The following NLGN1 variants were observed in gnomAD, a reference collection of about 807,000 sequenced individuals.
NLGN1 encodes the protein neuroligin 1.
In NLGN1, 12 loss-of-function variants were observed where a neutral mutation model predicts 65.5. That is an observed-to-expected ratio of 0.18 (90% confidence interval 0.12 to 0.30). The LOEUF is 0.30. Ranked by LOEUF, NLGN1 falls within the 10% of genes least tolerant of loss-of-function variation. The pLI, the probability that NLGN1 is intolerant of heterozygous loss-of-function variation, is 1.00. For synonymous variants in NLGN1, 350 were observed against 359.5 expected (o/e 0.97, Z 0.30); for missense variants, 750 against 1,007.1 (o/e 0.74, Z 3.46).
intron 4 of NLGN1, among the ~76,000 whole-genome samples, chr3:173,919,494 C>T (rs1355713669): frequency 6.6e-6 from 1 of 152,150 alleles, no homozygotes; most frequent in Non-Finnish European, 1.5e-5. Context: ...CCATTAGCCA[C>T]ATTTCACAGA....
intron 4 of NLGN1, among the ~76,000 whole-genome samples, chr3:174,200,740 C>T (rs1340775813): frequency 6.6e-6 from 1 of 152,168 alleles, no homozygotes; most frequent in East Asian, 1.9e-4. Context: ...TTCATTTCAA[C>T]CTCCCTGTCA....
chr3:173,617,256 A>T (rs1415558688), intron 3 of NLGN1, among the ~76,000 whole-genome samples: 1 of 152,168 alleles, frequency 6.6e-6, no homozygotes, highest in Non-Finnish European at 1.5e-5. Flanking sequence ...TTTCTTCATT[A>T]CATTTGTATC....
chr3:173,617,185 C>A (rs1480413707), intron 3 of NLGN1, among the ~76,000 whole-genome samples: 1 of 152,152 alleles, frequency 6.6e-6, no homozygotes, highest in African/African-American at 2.4e-5. Context: ...CTTTGCTGAT[C>A]AACCTATCAA....
chr3:173,989,015 G>A (rs536720822), intron 4 of NLGN1, among the ~76,000 whole-genome samples: 1 of 152,260 alleles, frequency 6.6e-6, no homozygotes, highest in African/African-American at 2.4e-5. Flanking sequence ...CTAGCAGATT[G>A]AGAATAATTT....
At chr3:173,917,617 C>A (rs1476900036) in intron 4 of NLGN1, among the ~76,000 whole-genome samples, 1 of 152,068 alleles carries the variant, frequency 6.6e-6, no homozygotes, top group Non-Finnish European at 1.5e-5. Flanking sequence ...AAGCCCTGAC[C>A]TAGAATAGCT....
chr3:173,696,666 CCTTTTCTTT>C (rs1249356982), intron 3 of NLGN1, among the ~76,000 whole-genome samples: 9 of 152,190 alleles, frequency 5.9e-5, no homozygotes, highest in Non-Finnish European at 1.0e-4. Flanking sequence ...CCTTCACCTT[CCTTTTCTTT>C]CTTTTCTCTA....
intron 2 of NLGN1, among the ~76,000 whole-genome samples, chr3:173,547,135 C>T (rs969705266): frequency 4.6e-5 from 7 of 152,020 alleles, no homozygotes; most frequent in Admixed American, 2.6e-4. Context: ...TTAAATTATT[C>T]TTGGGTAAAA....
At chr3:173,646,319 C>G (rs892879818) in intron 3 of NLGN1, among the ~76,000 whole-genome samples, 1 of 152,144 alleles carries the variant, frequency 6.6e-6, no homozygotes, top group African/African-American at 2.4e-5. Flanking sequence ...TAGGACTAAT[C>G]GTTTCCTGCT....
intron 2 of NLGN1, among the ~76,000 whole-genome samples, chr3:173,599,994 T>A (rs974112809): frequency 6.6e-6 from 1 of 152,062 alleles, no homozygotes; most frequent in African/African-American, 2.4e-5. Context: ...ATCTTTGGGA[T>A]CAATTGGGGG....
At chr3:173,732,249 T>C (rs982735422) in intron 3 of NLGN1, among the ~76,000 whole-genome samples, 6 of 152,128 alleles carry the variant, frequency 3.9e-5, no homozygotes, top group African/African-American at 1.4e-4. Context: ...CATTCTTAAT[T>C]ATAATGGTGC....
chr3:173,669,518 CT>C (rs1341846252), intron 3 of NLGN1, among the ~76,000 whole-genome samples: 1 of 152,166 alleles, frequency 6.6e-6, no homozygotes, highest in African/African-American at 2.4e-5. Context: ...CTCCACTTGG[CT>C]TTCTTTTTAT....
intron 3 of NLGN1, among the ~76,000 whole-genome samples, chr3:173,630,122 T>A (rs540604098): frequency 6.6e-6 from 1 of 152,266 alleles, no homozygotes; most frequent in South Asian, 2.1e-4. Flanking sequence ...TCAGAGCCAG[T>A]AAGTGTAATT....
chr3:174,133,107 A>C (rs2152675228), intron 4 of NLGN1, among the ~76,000 whole-genome samples: 1 of 152,026 alleles, frequency 6.6e-6, no homozygotes, highest in South Asian at 2.1e-4. Flanking sequence ...ATTTAGCCTC[A>C]CTCCTTGATT....
intron 2 of NLGN1, among the ~76,000 whole-genome samples, chr3:173,451,864 C>T (rs768656612): frequency 2.0e-5 from 3 of 152,160 alleles, no homozygotes; most frequent in African/African-American, 2.4e-5. Context: ...GAGCCATGTG[C>T]GTGATATAAT....
chr3:174,183,069 TC>T (rs1482236760), intron 4 of NLGN1, among the ~76,000 whole-genome samples: 3 of 151,916 alleles, frequency 2.0e-5, no homozygotes, highest in African/African-American at 7.3e-5. Flanking sequence ...TTCCACCACT[TC>T]TACCACATGT....
At chr3:173,754,737 A>C (rs534170203) in intron 3 of NLGN1, among the ~76,000 whole-genome samples, 1 of 152,280 alleles carries the variant, frequency 6.6e-6, no homozygotes, top group African/African-American at 2.4e-5. Context: ...TTTTAACCTA[A>C]GATAGTACTG....
At chr3:173,958,413 A>G (rs1168547739) in intron 4 of NLGN1, among the ~76,000 whole-genome samples, 1 of 151,946 alleles carries the variant, frequency 6.6e-6, no homozygotes, top group African/African-American at 2.4e-5. Flanking sequence ...GCTTTCAACA[A>G]CTGGAGACCC....
chr3:174,147,697 T>G (rs1272739520), intron 4 of NLGN1, among the ~76,000 whole-genome samples: 1 of 152,036 alleles, frequency 6.6e-6, no homozygotes, highest in Admixed American at 6.6e-5. Flanking sequence ...GCAAAACACA[T>G]TGCTCACTGG....
In NLGN1 at chr3:174,048,391, G is replaced by A. The variant is rs139144249; in HGVS notation, c.647-226924G>A. On this transcript the variant is annotated intron_variant, in intron 4 of 6. Coordinates refer to ENST00000457714, the Ensembl canonical transcript of NLGN1. Reference sequence around the variant, plus strand: ...AGAAGAAATTATAGTTTAAGTGCCCGTGAGAGGTGAAATCATTGGTGTCAA... The same window carrying A: ...AGAAGAAATTATAGTTTAAGTGCCCATGAGAGGTGAAATCATTGGTGTCAA... Among the ~76,000 whole-genome samples, 963 of 152,132 alleles carry A rather than the reference G, an allele frequency of 6.3e-3. 23 individuals carry two copies. Among genetic ancestry groups the A allele is most frequent in the East Asian group, 0.039 (201 of 5,164 alleles).
Sources: allele counts gnomAD v4.1 joint callset (sites outside exome capture counted in the v4.1 genomes callset), GRCh38; gene constraint gnomAD v4.1.1; transcripts MANE v1.5; gene names NCBI Gene and HGNC (gene_info 2026-07-23, HGNC 2026-07-21).